GORASP2: variants seen among roughly 807,000 people sequenced by gnomAD.
The protein encoded by GORASP2 is Golgi reassembly-stacking protein 2.
Under a neutral mutation model 45.7 loss-of-function variants are expected in GORASP2, and 22 were observed. That is an observed-to-expected ratio of 0.48 (90% CI 0.34 to 0.69). The LOEUF (loss-of-function observed/expected upper bound fraction) is 0.69, where lower values mean the gene tolerates loss of function less well. Among genes scored for constraint, GORASP2 ranks in the 30% least tolerant of loss-of-function variants. The probability of loss-of-function intolerance (pLI) is 0.01; values close to 1 mark genes in which losing one functional copy is unlikely to be tolerated. For missense variants in GORASP2, 491 were observed against 562.7 expected (o/e 0.87, Z 1.29); for synonymous variants, 221 against 215.6 (o/e 1.02, Z -0.22).
chr2:170,963,211 G>T (rs1278094355), intron 9 of GORASP2, among the ~76,000 whole-genome samples: 1 of 151,736 alleles, frequency 6.6e-6, no homozygotes, highest in African/African-American at 2.4e-5. Context: ...CATCTCTACT[G>T]AAAAAATATA....
chr2:170,959,035 A>G (rs1407134297), intron 7 of GORASP2, among the ~76,000 whole-genome samples: 1 of 151,668 alleles, frequency 6.6e-6, no homozygotes, highest in African/African-American at 2.4e-5. Context: ...ATCTCAGCTC[A>G]CTGCAACCTC....
intron 1 of GORASP2, among the ~76,000 whole-genome samples, chr2:170,931,371 G>A (rs963777896): frequency 6.6e-6 from 1 of 152,176 alleles, no homozygotes; most frequent in African/African-American, 2.4e-5. Flanking sequence ...AGGGAAAAGT[G>A]CTGTGTTAAA....
In GORASP2 at chr2:170,929,410, G is replaced by A; in HGVS notation, c.63+7G>A. 7.2e-7 allele frequency: 1 copy of A among 1,385,554 alleles called. No individual in the cohort carries two copies. Among genetic ancestry groups the A allele is most frequent in the Non-Finnish European group, 9.4e-7 (1 of 1,068,530 alleles). The allele number at this position is 1,385,554 out of a possible 1,614,324, so 85.8% of individuals were successfully genotyped here. A position where few individuals can be genotyped will look rare whatever the true frequency, so the allele number is the denominator to read the frequency against. ...GGGCTACCACGTTCTGCGGGTAAGG[G>A]CTCCGACGGCGGCCGGGGAGCTGCG... On this transcript the variant is annotated splice_region_variant and intron_variant, in intron 1 of 9. Transcript: ENST00000234160.
chr2:170,949,871 G>A, intron 3 of GORASP2, 129 bp downstream of exon 3: 2 of 751,790 alleles, frequency 2.7e-6, no homozygotes, highest in Non-Finnish European at 4.5e-6. Context: ...CCAAAAATCA[G>A]CGTTCATTGC....
rs1465120850 is a variant in GORASP2, at chr2:170,954,782, G to A, written c.699G>A (p.Glu233=). The change falls in exon 6 of 10, where the codon GAG becomes GAA. Residue 233 remains glutamate (E), a splice_region_variant and synonymous_variant. Coordinates refer to ENST00000234160, the MANE Select transcript of GORASP2 (RefSeq NM_015530.5). The part of the protein sequence containing the change: ...PITPLKDGFT[E]VQLSSVNPPS... ...CACCTCTTAAAGATGGGTTTACAGA[G>A]GTAAGATCACGTTCCTACCTGAGTA... The A allele has an allele frequency of 6.2e-7, 1 of 1,608,354 alleles. No individual in the cohort carries two copies. Among genetic ancestry groups the A allele is most frequent in the African/African-American group, 1.3e-5 (1 of 74,676 alleles).
At chr2:170,964,990 G>A (rs960664768) in intron 9 of GORASP2, among the ~76,000 whole-genome samples, 10 of 136,196 alleles carry the variant, frequency 7.3e-5, no homozygotes, top group Admixed American at 1.7e-4. Context: ...CAACCTCTGC[G>A]TCCTGGGTTC....
At chr2:170,936,617 T>C in intron 1 of GORASP2, 1 of 1,296,718 alleles carries the variant, frequency 7.7e-7, no homozygotes, top group Non-Finnish European at 1.0e-6. Context: ...TTGTTCTCTC[T>C]TTTAAGCATC....
At chr2:170,958,619 T>C (rs1459060362) in intron 7 of GORASP2, among the ~76,000 whole-genome samples, 1 of 151,308 alleles carries the variant, frequency 6.6e-6, no homozygotes, top group Non-Finnish European at 1.5e-5. Flanking sequence ...GAATTGTTCA[T>C]ATTTGTTTTA....
chr2:170,936,224 C>CTT (rs3079542), intron 1 of GORASP2, among the ~76,000 whole-genome samples: 69,275 of 118,914 alleles, frequency 0.58, 22,198 homozygotes, highest in East Asian at 0.94. Flanking sequence ...TTGAAACTGA[C>CTT]TTTTTTTTTT....
chr2:170,951,529 G>GTTTTTTTTTTTTTTTTTTTTTTTT, intron 5 of GORASP2, 71 bp downstream of exon 5: 1 of 1,171,138 alleles, frequency 8.5e-7, no homozygotes, highest in East Asian at 2.5e-5. Flanking sequence ...GACATTGATT[G>GTTTTTTTTTTTTTTTTTTTTTTTT]TTTTTATTTT....
At chr2:170,954,566 G>C in intron 5 of GORASP2, 84 bp from the exon 6 acceptor site, 1 of 1,147,580 alleles carries the variant, frequency 8.7e-7, no homozygotes, top group South Asian at 1.5e-5. Flanking sequence ...ATGCTCTTGG[G>C]TTACCCGCCC....
rs76426168 is a variant in GORASP2, at chr2:170,950,407, C to G, written c.435+117C>G. ...AGTTAAAATTTCAGTCTTTGCTGAT[C>G]AAAAATAACTTAAGCCTCAGGGTGT... On this transcript the variant is annotated intron_variant, in intron 4 of 9. Coordinates refer to ENST00000234160, the MANE Select transcript of GORASP2 (RefSeq NM_015530.5). The G allele has an allele frequency of 8.4e-3, 4,574 of 547,468 alleles. 179 individuals carry two copies. The highest frequency in any genetic ancestry group is 0.078 in the African/African-American group (3,891 of 50,156). 33.9% of individuals were successfully genotyped at this position (547,468 alleles called of 1,614,324 possible).
At position 170,962,884 on chromosome 2, in the gene GORASP2, A is replaced by G. The variant is rs1226474972; in HGVS notation, c.956A>G (p.Asn319Ser). 1 of 1,613,572 alleles carries G rather than the reference A, an allele frequency of 6.2e-7. No individual in the cohort carries two copies. Among genetic ancestry groups the G allele is most frequent in the Non-Finnish European group, 8.5e-7 (1 of 1,179,882 alleles). ...GGACTGCCCAACCTCCCCAACCTCA[A>G]CCTCAACCTCCCAGCACCACACATC... ...PAGLPNLPNL[N>S]LNLPAPHIMP... The change falls in exon 9 of 10, where the codon AAC (asparagine) becomes AGC (serine). Residue 319 changes from asparagine to serine, a missense_variant. Physicochemically the swap from Asn to Ser is conservative, Grantham distance 46 (BLOSUM62 1). This residue lies in a region of GORASP2 where 297 missense variants were observed against 292.3 expected (regional missense o/e 1.02). Coordinates refer to ENST00000234160, the MANE Select transcript of GORASP2 (RefSeq NM_015530.5).
chr2:170,943,898 A>G (rs955672987), intron 1 of GORASP2, among the ~76,000 whole-genome samples: 2 of 151,638 alleles, frequency 1.3e-5, no homozygotes, highest in Non-Finnish European at 1.5e-5. Flanking sequence ...CTGGTCTTGA[A>G]CTCCTAGCCT....
At chr2:170,963,482 T>G (rs1437612440) in intron 9 of GORASP2, among the ~76,000 whole-genome samples, 1 of 38,418 alleles carries the variant, frequency 2.6e-5, no homozygotes, top group Non-Finnish European at 5.0e-5. Flanking sequence ...CCCCTCCTCC[T>G]CCTCCCGCCC....
chr2:170,964,778 C>T (rs1372724787), intron 9 of GORASP2, among the ~76,000 whole-genome samples: 3 of 152,128 alleles, frequency 2.0e-5, no homozygotes, highest in African/African-American at 4.8e-5. Context: ...CTAAATTTGA[C>T]AGGCTCTAAG....
chr2:170,933,722 A>C (rs551136176), intron 1 of GORASP2, among the ~76,000 whole-genome samples: 7 of 152,256 alleles, frequency 4.6e-5, no homozygotes, highest in Admixed American at 2.0e-4. Context: ...GAGATGGGGA[A>C]TAGCTGAGGG....
chr2:170,944,260 G>C (rs768175418), intron 1 of GORASP2, among the ~76,000 whole-genome samples: 1 of 152,150 alleles, frequency 6.6e-6, no homozygotes, highest in Non-Finnish European at 1.5e-5. Flanking sequence ...CTATGTTGTA[G>C]ATCATATTTT....
chr2:170,961,058 ACCT>A (rs1704547900), intron 7 of GORASP2, among the ~76,000 whole-genome samples: 1 of 152,184 alleles, frequency 6.6e-6, no homozygotes, highest in Admixed American at 6.5e-5. Context: ...GAGGAACGTA[ACCT>A]CCTCAAGCTA....
Sources: gnomAD v4.1 joint callset for allele counts (sites outside exome capture counted in the v4.1 genomes callset) on GRCh38, gnomAD v4.1.1 for gene constraint, gnomAD v4.1.1 regional missense constraint, MANE v1.5 for transcripts, NCBI Gene and HGNC (gene_info 2026-07-23, HGNC 2026-07-21) for gene names.